Variants in FGF7 observed in about 807,000 individuals in gnomAD.
FGF7 encodes the protein FGF-7.
FGF7 carries 6 observed loss-of-function variants against 20.5 expected under a neutral mutation model. The observed-to-expected ratio is 0.29, with a 90% CI of 0.16 to 0.58. The LOEUF (loss-of-function observed/expected upper bound fraction) is 0.58, where lower values mean the gene tolerates loss of function less well. Among genes scored for constraint, FGF7 ranks in the 20% least tolerant of loss-of-function variants. The probability of loss-of-function intolerance (pLI) is 0.90; values close to 1 mark genes in which losing one functional copy is unlikely to be tolerated. For missense variants in FGF7, 144 were observed against 228.8 expected, an observed-to-expected ratio of 0.63 and a Z score of 2.39; for synonymous variants, 64 against 74.7, an observed-to-expected ratio of 0.86 and a Z score of 0.74.
chr15:49,437,692 T>C (rs2051234370), intron 2 of FGF7, among the ~76,000 whole-genome samples: 1 of 151,730 alleles, frequency 6.6e-6, no homozygotes, highest in African/African-American at 2.4e-5. Context: ...GCAATTAGAA[T>C]ACTATTTATT....
rs1244218733 is a variant in FGF7 at position 49,424,350 on chromosome 15, G to C, written c.53G>C (p.Cys18Ser). ...WILPTLLYRS[C>S]FHIICLVGTI... ...CTGCCAACTTTGCTCTACAGATCAT[G>C]CTTTCACATTATCTGTCTAGTGGGT... Residue 18 changes from cysteine (C) to serine (S), a missense_variant, in exon 2 of 4, where the codon TGC (cysteine) becomes TCC (serine). By Grantham distance (112) the Cys-to-Ser change is moderately radical. Coordinates refer to ENST00000267843, the MANE Select transcript of FGF7 (RefSeq NM_002009.4). 1 of 1,613,506 alleles carries C rather than the reference G, an allele frequency of 6.2e-7. No individual in the cohort carries two copies. Among genetic ancestry groups the C allele is most frequent in the Non-Finnish European group, 8.5e-7 (1 of 1,179,694 alleles).
chr15:49,433,649 G>C (rs1368842838), intron 2 of FGF7, among the ~76,000 whole-genome samples: 1 of 151,516 alleles, frequency 6.6e-6, no homozygotes, highest in Non-Finnish European at 1.5e-5. Context: ...TCAAGGAACT[G>C]GTGGAAAATT....
At chr15:49,474,148 T>C (rs1279137857) in intron 2 of FGF7, among the ~76,000 whole-genome samples, 1 of 152,180 alleles carries the variant, frequency 6.6e-6, no homozygotes, top group East Asian at 1.9e-4. Context: ...AATACATTTA[T>C]GGTCTATATC....
At chr15:49,424,666 T>C in intron 2 of FGF7, 83 bp downstream of exon 2, 1 of 1,125,454 alleles carries the variant, frequency 8.9e-7, no homozygotes, top group Non-Finnish European at 1.2e-6. Flanking sequence ...CTCATCTTCC[T>C]TTTGCTTCTT....
intron 2 of FGF7, among the ~76,000 whole-genome samples, chr15:49,473,724 A>AT (rs1367361065): frequency 6.6e-6 from 1 of 152,144 alleles, no homozygotes; most frequent in Non-Finnish European, 1.5e-5. Flanking sequence ...AAGTGAGCTA[A>AT]TTTTTTTAAA....
At chr15:49,465,455 G>A (rs1185114792) in intron 2 of FGF7, among the ~76,000 whole-genome samples, 1 of 151,930 alleles carries the variant, frequency 6.6e-6, no homozygotes, top group East Asian at 1.9e-4. Flanking sequence ...AAGTGTTAAT[G>A]TGTTAGGAGC....
Position 49,437,058 on chromosome 15 carries a change from T to C in FGF7, c.286+12475T>C, listed in dbSNP as rs1305811737. On this transcript the variant is annotated intron_variant, in intron 2 of 3. Transcript: ENST00000267843. ...AAGATGCTACAAAATTTAACTTGGT[T>C]GTATTTTAAACACATTCCTGACATT... Among the ~76,000 whole-genome samples, 4 of 151,642 alleles carry C rather than the reference T, an allele frequency of 2.6e-5. No homozygotes were observed. In the East Asian group the frequency reaches 7.8e-4, roughly 30 times the overall value.
intron 2 of FGF7, among the ~76,000 whole-genome samples, chr15:49,474,852 T>A (rs1410315202): frequency 6.6e-6 from 1 of 152,160 alleles, no homozygotes; most frequent in Non-Finnish European, 1.5e-5. Flanking sequence ...GCCTGACGAT[T>A]TGAAGTGGAA....
At position 49,486,620 on chromosome 15, in the gene FGF7, TAAA is replaced by T. The variant is rs1312779908; in HGVS notation, c.*2118_*2120del. ...TAAATAGAAATAGTGTATATACATATAAAATACAAGCTATGTTAGGACCAAATG... is the reference window on the plus strand; with the variant it reads ...TAAATAGAAATAGTGTATATACATATATACAAGCTATGTTAGGACCAAATG... On this transcript the variant is annotated 3_prime_UTR_variant, in exon 4 of 4. Transcript: ENST00000267843. The T allele has an allele frequency of 6.6e-6, 1 of 151,940 alleles. No individual in the cohort carries two copies. Among genetic ancestry groups the T allele is most frequent in the African/African-American group, 2.4e-5 (1 of 41,424 alleles). 9.4% of individuals were successfully genotyped at this position (151,940 alleles called of 1,614,324 possible). A position where few individuals can be genotyped will look rare whatever the true frequency, so the allele number is the denominator to read the frequency against.
intron 2 of FGF7, among the ~76,000 whole-genome samples, chr15:49,429,589 T>C (rs1021184373): frequency 6.6e-6 from 1 of 151,938 alleles, no homozygotes; most frequent in African/African-American, 2.4e-5. Flanking sequence ...AGCTCTTAGA[T>C]ATATTGAAAG....
intron 2 of FGF7, among the ~76,000 whole-genome samples, chr15:49,472,494 T>C (rs1265033210): frequency 2.0e-5 from 3 of 152,176 alleles, no homozygotes; most frequent in Non-Finnish European, 2.9e-5. Context: ...CATGGCCACA[T>C]TAAGCTGCAA....
intron 2 of FGF7, chr15:49,434,412 C>T (rs1290924065): frequency 6.6e-6 from 1 of 151,182 alleles, no homozygotes; most frequent in Admixed American, 6.6e-5. Flanking sequence ...GGGAGAACTC[C>T]AAGTCAGAGT....
intron 2 of FGF7, among the ~76,000 whole-genome samples, chr15:49,440,266 T>A (rs1055720687): frequency 6.6e-6 from 1 of 151,790 alleles, no homozygotes; most frequent in Non-Finnish European, 1.5e-5. Context: ...GTTTATACAC[T>A]CTTACAATTT....
intron 2 of FGF7, chr15:49,425,219 T>C (rs1259091526): frequency 6.6e-6 from 1 of 151,980 alleles, no homozygotes; most frequent in Non-Finnish European, 1.5e-5. Flanking sequence ...AAATCTTTTA[T>C]GTCATAAAAG....
rs752811080 is a variant in FGF7, at chr15:49,424,366, T to C, written c.69T>C (p.Cys23=). Residue 23 remains cysteine (C), a synonymous_variant, in exon 2 of 4, where the codon TGT becomes TGC. Transcript: ENST00000267843. ...ACAGATCATGCTTTCACATTATCTG[T>C]CTAGTGGGTACTATATCTTTAGCTT... ...LLYRSCFHII[C]LVGTISLACN... The C allele has an allele frequency of 6.2e-6, 10 of 1,613,726 alleles. No homozygotes were observed. The South Asian group carries it at 1.1e-4, about 18-fold the overall frequency.
chr15:49,436,354 A>G (rs12592177), intron 2 of FGF7, among the ~76,000 whole-genome samples: 3,512 of 151,722 alleles, frequency 0.023, 88 homozygotes, highest in South Asian at 0.13. Context: ...ATCATTGTAT[A>G]TTAAGGAGCA....
Position 49,424,286 on chromosome 15 carries a change from CACT to C in FGF7, c.-9_-7del, listed in dbSNP as rs544470266. On this transcript the variant is annotated 5_prime_UTR_variant, in exon 2 of 4. Transcript: ENST00000267843. ...TTATGTTATTCATGAACACCCGGAG[CACT>C]ACACTATAATGCACAAATGGATACT... The C allele has an allele frequency of 6.5e-5, 104 of 1,606,686 alleles. No individual in the cohort carries two copies. In the African/African-American group the frequency reaches 1.1e-3, roughly 18 times the overall value.
chr15:49,465,262 TG>T (rs2054162392), intron 2 of FGF7, among the ~76,000 whole-genome samples: 1 of 151,654 alleles, frequency 6.6e-6, no homozygotes, highest in South Asian at 2.1e-4. Flanking sequence ...CCCAAGTAGG[TG>T]GGATTACAGG....
At chr15:49,436,743 AG>A (rs1301758535) in intron 2 of FGF7, among the ~76,000 whole-genome samples, 1 of 151,582 alleles carries the variant, frequency 6.6e-6, no homozygotes, top group Non-Finnish European at 1.5e-5. Flanking sequence ...GAATGCAAGT[AG>A]GTTTAACTCC....
Sources: gnomAD v4.1 joint callset for allele counts (sites outside exome capture counted in the v4.1 genomes callset) on GRCh38, gnomAD v4.1.1 for gene constraint, MANE v1.5 for transcripts, NCBI Gene and HGNC (gene_info 2026-07-23, HGNC 2026-07-21) for gene names.